Variants in FBXO25 observed in about 807,000 individuals in gnomAD.
FBXO25 encodes F-box protein 25.
A neutral mutation model predicts 51.9 loss-of-function variants in FBXO25; 45 were observed. The ratio of observed to expected loss-of-function variants is 0.87; its 90% confidence interval spans 0.68 to 1.11. The LOEUF (loss-of-function observed/expected upper bound fraction) is 1.11. Ranked by LOEUF, FBXO25 falls within the 50% of genes most tolerant of loss-of-function variation. The pLI is 0.00. For missense variants in FBXO25, 507 were observed against 428.5 expected (o/e 1.18, Z -1.62); for synonymous variants, 199 against 151.0 (o/e 1.32, Z -2.33).
intron 2 of FBXO25, among the ~76,000 whole-genome samples, chr8:414,816 C>G (rs1796696390): frequency 6.6e-6 from 1 of 152,180 alleles, no homozygotes; most frequent in Non-Finnish European, 1.5e-5. Context: ...TGAGCGAGAA[C>G]TAGTCAGCAC....
At chr8:445,658 G>A (rs1050789422) in intron 5 of FBXO25, among the ~76,000 whole-genome samples, 1 of 152,208 alleles carries the variant, frequency 6.6e-6, no homozygotes, top group Non-Finnish European at 1.5e-5. Context: ...TTTGAGACCA[G>A]CCTGGCCAAC....
rs1800516341 is a variant in FBXO25 at position 472,539 on chromosome 8, G to A, written c.*3735G>A. ...CCCCACCTGCCACCCACCACCTTGTGATCTCTTGGGTTTTGGTGTCCATCT... is the reference window on the plus strand; with the variant it reads ...CCCCACCTGCCACCCACCACCTTGTAATCTCTTGGGTTTTGGTGTCCATCT... On this transcript the variant is annotated 3_prime_UTR_variant, in exon 10 of 10. Coordinates refer to ENST00000350302, the MANE Select transcript of FBXO25 (RefSeq NM_183420.2). 1 of 140,410 alleles carries A rather than the reference G, an allele frequency of 7.1e-6. No homozygotes were observed. Among genetic ancestry groups the A allele is most frequent in the African/African-American group, 2.7e-5 (1 of 37,332 alleles). The allele number at this position is 140,410 out of a possible 1,614,324, so 8.7% of individuals were successfully genotyped here. A position where few individuals can be genotyped will look rare whatever the true frequency, so the allele number is the denominator to read the frequency against.
In FBXO25 at chr8:431,402, A is replaced by T. The variant is rs779748553; in HGVS notation, c.196A>T (p.Lys66Ter). ...NNEEHEYASK[K>*]RKKDHFRNDT... ...TGAAGAGCATGAATATGCATCGAAA[A>T]AAAGGAAAAAGGACCATTTTAGAAA... Residue 66 changes from lysine to a stop codon, truncating the protein, a stop_gained, in exon 3 of 10, where the codon AAA becomes TAA. Coordinates refer to ENST00000350302, the MANE Select transcript of FBXO25 (RefSeq NM_183420.2). LOFTEE classifies it high-confidence loss of function. 6.4e-7 allele frequency: 1 copy of T among 1,554,192 alleles called. No homozygotes were observed. The highest frequency in any genetic ancestry group is 1.2e-5 in the South Asian group (1 of 83,230).
At chr8:463,559 C>T (rs932689264) in intron 9 of FBXO25, among the ~76,000 whole-genome samples, 1 of 152,232 alleles carries the variant, frequency 6.6e-6, no homozygotes, top group East Asian at 1.9e-4. Flanking sequence ...TATGTCCCCA[C>T]CGACTCTGCA....
At position 470,946 on chromosome 8, in the gene FBXO25, T is replaced by C. The variant is rs989556170; in HGVS notation, c.*2142T>C. On this transcript the variant is annotated 3_prime_UTR_variant, in exon 10 of 10. Transcript: ENST00000350302. ...TGTTAGTTTCTTCTTAAAAGGAAAC[T>C]ATCCTTTTGAAGTTGTGGTTCTTTC... The C allele has an allele frequency of 6.6e-6, 1 of 152,224 alleles. No individual in the cohort carries two copies. The highest frequency in any genetic ancestry group is 1.5e-5 in the Non-Finnish European group (1 of 68,040). 9.4% of individuals were successfully genotyped at this position (152,224 alleles called of 1,614,324 possible).
rs560129535 is a variant in FBXO25, at chr8:477,568, A to C, written c.*8764A>C. 6.6e-6 allele frequency: 1 copy of C among 152,378 alleles called. No individual in the cohort carries two copies. The highest frequency in any genetic ancestry group is 1.9e-4 in the East Asian group (1 of 5,188). The allele number at this position is 152,378 out of a possible 1,614,324, so 9.4% of individuals were successfully genotyped here. A position where few individuals can be genotyped will look rare whatever the true frequency, so the allele number is the denominator to read the frequency against. On this transcript the variant is annotated 3_prime_UTR_variant, in exon 10 of 10. Transcript: ENST00000350302. ...GCTGGGAGTAACTATAAATGAAACA[A>C]GATTGGCCGGGAATTTGAGGCTGCA...
At chr8:438,914 G>A (rs1033448533) in intron 5 of FBXO25, among the ~76,000 whole-genome samples, 8 of 152,138 alleles carry the variant, frequency 5.3e-5, no homozygotes, top group Non-Finnish European at 1.0e-4. Context: ...AGTTGTCTGC[G>A]TCCCCATCCC....
At chr8:457,692 A>G (rs1008411275) in intron 7 of FBXO25, among the ~76,000 whole-genome samples, 1 of 152,142 alleles carries the variant, frequency 6.6e-6, no homozygotes, top group Non-Finnish European at 1.5e-5. Context: ...TCTCACCACA[A>G]AAATAAAAGG....
chr8:415,495 G>C lies in FBXO25; in HGVS notation c.134+2282G>C, dbSNP rs543457934. On this transcript the variant is annotated intron_variant, in intron 2 of 9. Coordinates refer to ENST00000350302, the MANE Select transcript of FBXO25 (RefSeq NM_183420.2). ...ACCTAAGTAAGCCTTTTATTAGGCT[G>C]TTGATTCAGAATAGAGGGTAGGTCG... is the stretch of plus-strand genomic sequence containing the variant. Among the ~76,000 whole-genome samples, 11 of 152,316 alleles carry C rather than the reference G, an allele frequency of 7.2e-5. No homozygotes were observed. The East Asian group carries it at 1.5e-3, about 21-fold the overall frequency.
At chr8:407,436 C>A (rs1457656176) in intron 1 of FBXO25, 5 of 984,642 alleles carry the variant, frequency 5.1e-6, no homozygotes, top group African/African-American at 1.8e-5. Flanking sequence ...GGGCGGCCGG[C>A]GGGTGTGGAG....
intron 9 of FBXO25, among the ~76,000 whole-genome samples, chr8:465,948 C>G (rs1451419223): frequency 6.6e-6 from 1 of 152,134 alleles, no homozygotes; most frequent in African/African-American, 2.4e-5. Flanking sequence ...CATACTTGAT[C>G]ATATCATGGA....
At chr8:416,048 C>G (rs189989149) in intron 2 of FBXO25, among the ~76,000 whole-genome samples, 3 of 152,290 alleles carry the variant, frequency 2.0e-5, no homozygotes, top group Admixed American at 1.3e-4. Flanking sequence ...GCAGAGACTC[C>G]CATTGCTTGC....
At chr8:417,568 G>A (rs1482620330) in intron 2 of FBXO25, among the ~76,000 whole-genome samples, 2 of 152,164 alleles carry the variant, frequency 1.3e-5, no homozygotes, top group African/African-American at 2.4e-5. Context: ...ATCTAAATCC[G>A]CCTTGTCTTG....
Position 473,760 on chromosome 8 carries a change from A to G in FBXO25, c.*4956A>G, listed in dbSNP as rs1800558685. On this transcript the variant is annotated 3_prime_UTR_variant, in exon 10 of 10. Coordinates refer to ENST00000350302, the MANE Select transcript of FBXO25 (RefSeq NM_183420.2). ...TGTTCTTCCTAAGTAAGGGAGAGCA[A>G]AAAAAATGAGGACATCTGTGTCAAA... 6.6e-6 allele frequency: 1 copy of G among 152,138 alleles called. No homozygotes were observed. Among genetic ancestry groups the G allele is most frequent in the Non-Finnish European group, 1.5e-5 (1 of 68,016 alleles). 9.4% of individuals were successfully genotyped at this position (152,138 alleles called of 1,614,324 possible).
rs546290353 is a variant in FBXO25, at chr8:434,269, C to T, written c.288+1334C>T. Among the ~76,000 whole-genome samples, 25 of 152,224 alleles carry T rather than the reference C, an allele frequency of 1.6e-4. 1 individual carries two copies. The South Asian group carries it at 3.7e-3, about 23-fold the overall frequency. ...AGGTTACATGCTGTGGTTCTAGGTC[C>T]GCACATGCTCTTTGTGGTCTGCTCT... On this transcript the variant is annotated intron_variant, in intron 4 of 9. Transcript: ENST00000350302.
At chr8:420,690 C>T (rs111508219) in intron 2 of FBXO25, among the ~76,000 whole-genome samples, 3,634 of 152,290 alleles carry the variant, frequency 0.024, 83 homozygotes, top group East Asian at 0.11. Context: ...AAAAGGCGTC[C>T]ATACTGTATG....
chr8:424,464 CT>C (rs1395149238), intron 2 of FBXO25, among the ~76,000 whole-genome samples: 1 of 152,032 alleles, frequency 6.6e-6, no homozygotes, highest in Non-Finnish European at 1.5e-5. Context: ...AGAGTATTTC[CT>C]AGGTTATCTT....
At chr8:463,293 TG>T in intron 9 of FBXO25, 143 bp downstream of exon 9, 1 of 928,158 alleles carries the variant, frequency 1.1e-6, no homozygotes, top group Non-Finnish European at 1.6e-6. Context: ...TACCAAATAT[TG>T]GGGTAGGGGA....
rs149347958 is a variant in FBXO25 at position 445,126 on chromosome 8, T to G, written c.382-4864T>G. 3.3e-3 allele frequency among the ~76,000 whole-genome samples: 510 copies of G among 152,348 alleles called. 1 individual carries two copies. Among genetic ancestry groups the G allele is most frequent in the Non-Finnish European group, 5.0e-3 (338 of 68,042 alleles). ...ACCAGTTTAACCTGAAATGTAATCT[T>G]GTCAACTGTGAACACGGCCCTTCTC... On this transcript the variant is annotated intron_variant, in intron 5 of 9. Transcript: ENST00000350302.
Sources: allele counts gnomAD v4.1 joint callset (sites outside exome capture counted in the v4.1 genomes callset), GRCh38; gene constraint gnomAD v4.1.1; transcripts MANE v1.5; gene names NCBI Gene and HGNC (gene_info 2026-07-23, HGNC 2026-07-21).